The following NECTIN3 variants were observed in gnomAD, a reference collection of about 807,000 sequenced individuals.
NECTIN3 encodes the protein nectin-3.
In NECTIN3, 8 loss-of-function variants were observed where a neutral mutation model predicts 49.4. That is an observed-to-expected ratio of 0.16 (90% CI 0.10 to 0.29). The LOEUF is 0.29. Among genes scored for constraint, NECTIN3 ranks in the 10% least tolerant of loss-of-function variants. NECTIN3 has a pLI of 1.00. For missense variants in NECTIN3, 581 were observed against 654.6 expected (o/e 0.89, Z 1.23); for synonymous variants, 277 against 241.1 (o/e 1.15, Z -1.38).
At chr3:111,122,268 A>G (rs2033989227) in intron 4 of NECTIN3, 30 bp downstream of exon 4, 1 of 1,500,702 alleles carries the variant, frequency 6.7e-7, no homozygotes, top group Non-Finnish European at 9.2e-7. Context: ...AAGAGAAATT[A>G]TCTAAAAGTG....
chr3:111,089,851 T>G (rs1406404553), intron 1 of NECTIN3, among the ~76,000 whole-genome samples: 1 of 152,160 alleles, frequency 6.6e-6, no homozygotes, highest in East Asian at 1.9e-4. Context: ...ATGAGCAGTT[T>G]ATTAAAATTG....
Position 111,071,925 on chromosome 3 carries a change from C to A in NECTIN3, c.-93C>A. 4.6e-6 allele frequency: 4 copies of A among 869,418 alleles called. No homozygotes were observed. Among genetic ancestry groups the A allele is most frequent in the Middle Eastern group, 3.9e-4 (1 of 2,564 alleles). The allele number at this position is 869,418 out of a possible 1,614,324, so 53.9% of individuals were successfully genotyped here. A position where few individuals can be genotyped will look rare whatever the true frequency, so the allele number is the denominator to read the frequency against. On this transcript the variant is annotated 5_prime_UTR_variant, in exon 1 of 6. Coordinates refer to ENST00000485303, the MANE Select transcript of NECTIN3 (RefSeq NM_015480.3). The stretch of plus-strand genomic sequence containing the variant: ...AGCTGGGAGCTGGGGACGCGCGCGC[C>A]GGACCTTCCACAGCCTCCGCCCAGA...
intron 1 of NECTIN3, among the ~76,000 whole-genome samples, chr3:111,084,424 TATTTA>T (rs1159178093): frequency 6.6e-6 from 1 of 152,222 alleles, no homozygotes; most frequent in African/African-American, 2.4e-5. Flanking sequence ...TGGATGTTAG[TATTTA>T]ATTGAGCACT....
At chr3:111,082,219 G>A (rs1350204231) in intron 1 of NECTIN3, among the ~76,000 whole-genome samples, 1 of 152,144 alleles carries the variant, frequency 6.6e-6, no homozygotes, top group Non-Finnish European at 1.5e-5. Context: ...GGTTTCACAT[G>A]CATTTGTGGT....
At chr3:111,116,548 C>CTA (rs1247234437) in intron 2 of NECTIN3, among the ~76,000 whole-genome samples, 1 of 152,004 alleles carries the variant, frequency 6.6e-6, no homozygotes, top group Non-Finnish European at 1.5e-5. Flanking sequence ...TCTTTGATGA[C>CTA]ATTAGAGTTT....
rs1372822431 is a variant in NECTIN3 at position 111,164,605 on chromosome 3, G to A, written c.1221+17121G>A. Among the ~76,000 whole-genome samples, 3 of 152,186 alleles carry A rather than the reference G, an allele frequency of 2.0e-5. No homozygotes were observed. In the East Asian group the frequency reaches 5.8e-4, roughly 29 times the overall value. On this transcript the variant is annotated intron_variant, in intron 7 of 8. Transcript: ENST00000493615. ...GGCAAGGTGTCCAAGGTCCTGGGGG[G>A]AAATCTTTTCCATGCCTCTCTTCTA...
chr3:111,112,375 G>T lies in NECTIN3; in HGVS notation c.502+4G>T. On this transcript the variant is annotated splice_donor_region_variant and intron_variant, in intron 2 of 5. Transcript: ENST00000485303. Reference sequence around the variant, plus strand: ...TCTACAACTGTAACTGTGTTAGGTAGGTATGCTTGAATTATGTATTTTGGT... The same window carrying T: ...TCTACAACTGTAACTGTGTTAGGTATGTATGCTTGAATTATGTATTTTGGT... 2 of 1,506,398 alleles carry T rather than the reference G, an allele frequency of 1.3e-6. No individual in the cohort carries two copies. Among genetic ancestry groups the T allele is most frequent in the South Asian group, 1.3e-5 (1 of 74,744 alleles). 93.3% of individuals were successfully genotyped at this position (1,506,398 alleles called of 1,614,324 possible).
In NECTIN3 at chr3:111,095,599, G is replaced by A. The variant is rs112254888; in HGVS notation, c.161-16431G>A. Among the ~76,000 whole-genome samples the A allele has an allele frequency of 2.2e-3, 342 of 152,240 alleles. 1 individual carries two copies. The highest frequency in any genetic ancestry group is 6.8e-3 in the African/African-American group (283 of 41,532). Reference sequence around the variant, plus strand: ...CAGCTTTACATATTAATATGGTTTGGTGGTGTCCTCACCCAAATCTCATCT... The same window carrying A: ...CAGCTTTACATATTAATATGGTTTGATGGTGTCCTCACCCAAATCTCATCT... On this transcript the variant is annotated intron_variant, in intron 1 of 5. Transcript: ENST00000485303.
downstream of NECTIN3, among the ~76,000 whole-genome samples, chr3:111,138,095 A>G (rs191245460): frequency 5.8e-4 from 88 of 151,704 alleles, no homozygotes; most frequent in African/African-American, 2.0e-3. Context: ...GAATTAACAC[A>G]TTTCATAAGG....
chr3:111,183,049 C>T (rs972669330), intron 7 of NECTIN3, among the ~76,000 whole-genome samples: 5 of 151,914 alleles, frequency 3.3e-5, no homozygotes, highest in African/African-American at 9.7e-5. Flanking sequence ...CATAATACTA[C>T]TTCATATATA....
rs529401705 is a variant in NECTIN3, at chr3:111,174,171, C to G, written c.1222-18180C>G. On this transcript the variant is annotated intron_variant, in intron 7 of 8. Transcript: ENST00000493615. ...GTGAGTCCTCACTAATACTGGTTAA[C>G]CTTTACCTCTTCACAGCTTATGTTG... is the stretch of plus-strand genomic sequence containing the variant. Among the ~76,000 whole-genome samples, 5 of 152,264 alleles carry G rather than the reference C, an allele frequency of 3.3e-5. No homozygotes were observed. In the South Asian group the frequency reaches 6.2e-4, roughly 19 times the overall value.
intron 5 of NECTIN3, chr3:111,144,760 G>T (rs2034833393): frequency 2.4e-6 from 2 of 840,016 alleles, no homozygotes; most frequent in Middle Eastern, 3.2e-4. Flanking sequence ...TAAACCTAAT[G>T]AATGAAATTT....
chr3:111,163,479 T>G (rs6414248), intron 7 of NECTIN3, among the ~76,000 whole-genome samples: 65,722 of 152,134 alleles, frequency 0.43, 20,164 homozygotes, highest in African/African-American at 0.85. Context: ...AATACAATCT[T>G]TGCTCTCTGT....
chr3:111,096,340 G>A (rs1156639680), intron 1 of NECTIN3, among the ~76,000 whole-genome samples: 3 of 152,140 alleles, frequency 2.0e-5, no homozygotes, highest in Admixed American at 2.0e-4. Flanking sequence ...GGTGACTTGG[G>A]TGCTATTAAA....
chr3:111,090,907 TC>T (rs1452132413), intron 1 of NECTIN3, among the ~76,000 whole-genome samples: 1 of 151,168 alleles, frequency 6.6e-6, no homozygotes, highest in Non-Finnish European at 1.5e-5. Flanking sequence ...TTTAACTTTA[TC>T]CTCATTCCGC....
chr3:111,136,140 GC>G lies in NECTIN3; in HGVS notation c.*1926del. 1 of 983,298 alleles carries G rather than the reference GC, an allele frequency of 1.0e-6. No homozygotes were observed. The highest frequency in any genetic ancestry group is 1.2e-6 in the Non-Finnish European group (1 of 828,318). 60.9% of individuals were successfully genotyped at this position (983,298 alleles called of 1,614,324 possible). A position where few individuals can be genotyped will look rare whatever the true frequency, so the allele number is the denominator to read the frequency against. On this transcript the variant is annotated 3_prime_UTR_variant, in exon 6 of 6. Transcript: ENST00000485303. The stretch of plus-strand genomic sequence containing the variant: ...TCCCCATGAAAGATGTAAAACTATG[GC>G]TTTTTTTAAAATCAAAATTTCATCT...
intron 7 of NECTIN3, among the ~76,000 whole-genome samples, chr3:111,157,699 G>A (rs2035126525): frequency 6.6e-6 from 1 of 151,824 alleles, no homozygotes; most frequent in Non-Finnish European, 1.5e-5. Context: ...CTTAGCTGTT[G>A]TCTGTTCTTG....
intron 1 of NECTIN3, among the ~76,000 whole-genome samples, chr3:111,091,869 A>G (rs1004094427): frequency 6.6e-6 from 1 of 152,168 alleles, no homozygotes; most frequent in Non-Finnish European, 1.5e-5. Context: ...CTTTTGAAGA[A>G]CTACCAAACT....
At chr3:111,075,764 A>G (rs1036129866) in intron 1 of NECTIN3, among the ~76,000 whole-genome samples, 3 of 152,100 alleles carry the variant, frequency 2.0e-5, no homozygotes, top group African/African-American at 7.2e-5. Flanking sequence ...AAAATACTTC[A>G]ATTGTATAAT....
Sources: allele counts gnomAD v4.1 joint callset (sites outside exome capture counted in the v4.1 genomes callset), GRCh38; gene constraint gnomAD v4.1.1; transcripts MANE v1.5; gene names NCBI Gene and HGNC (gene_info 2026-07-23, HGNC 2026-07-21).